The following CADM2 variants were observed in gnomAD, a reference collection of about 807,000 sequenced individuals.
CADM2 encodes the protein cell adhesion molecule 2.
Under a neutral mutation model 49.8 loss-of-function variants are expected in CADM2, and 12 were observed. That is an observed-to-expected ratio of 0.24 (90% CI 0.15 to 0.39). The LOEUF (loss-of-function observed/expected upper bound fraction) is 0.39. CADM2 is among the 10% of genes least tolerant of loss of function. The probability of loss-of-function intolerance (pLI) is 1.00; values close to 1 mark genes in which losing one functional copy is unlikely to be tolerated. For synonymous variants in CADM2, 214 were observed against 175.4 expected, an observed-to-expected ratio of 1.22 and a Z score of -1.74; for missense variants, 378 against 492.3, an observed-to-expected ratio of 0.77 and a Z score of 2.20.
chr3:85,590,191 A>C (rs55677942), intron 1 of CADM2, among the ~76,000 whole-genome samples: 2 of 151,720 alleles, frequency 1.3e-5, no homozygotes, highest in Non-Finnish European at 2.9e-5. Flanking sequence ...AGAGCCAAGC[A>C]GAAAAATAGA....
At chr3:85,970,852 C>A (rs957198639) in intron 8 of CADM2, among the ~76,000 whole-genome samples, 1 of 151,218 alleles carries the variant, frequency 6.6e-6, no homozygotes, top group African/African-American at 2.4e-5. Flanking sequence ...TCAAGATAAA[C>A]CTAAAACATA....
intron 1 of CADM2, among the ~76,000 whole-genome samples, chr3:85,320,658 A>G (rs1474070578): frequency 6.6e-6 from 1 of 152,164 alleles, no homozygotes. Context: ...GTATATTGAC[A>G]TACTTCCCTT....
intron 1 of CADM2, among the ~76,000 whole-genome samples, chr3:85,534,611 C>A (rs927171116): frequency 1.2e-4 from 18 of 152,254 alleles, no homozygotes; most frequent in African/African-American, 4.3e-4. Flanking sequence ...GTAACATATA[C>A]CTCCCACAAA....
At chr3:85,069,224 G>A (rs2036635257) in intron 1 of CADM2, among the ~76,000 whole-genome samples, 1 of 151,846 alleles carries the variant, frequency 6.6e-6, no homozygotes, top group African/African-American at 2.4e-5. Flanking sequence ...TTAAAGTTCA[G>A]TATTTTAGCT....
intron 1 of CADM2, among the ~76,000 whole-genome samples, chr3:85,259,283 T>G (rs2042959649): frequency 6.6e-6 from 1 of 152,168 alleles, no homozygotes; most frequent in Non-Finnish European, 1.5e-5. Flanking sequence ...TTATGAATAT[T>G]TTAGTCTGGT....
chr3:85,102,622 T>C (rs903410686), intron 1 of CADM2, among the ~76,000 whole-genome samples: 1 of 152,168 alleles, frequency 6.6e-6, no homozygotes, highest in Non-Finnish European at 1.5e-5. Flanking sequence ...TAAATTGTGA[T>C]AAAACATGCT....
At chr3:85,123,867 C>A (rs1424429143) in intron 1 of CADM2, among the ~76,000 whole-genome samples, 1 of 152,000 alleles carries the variant, frequency 6.6e-6, no homozygotes, top group Non-Finnish European at 1.5e-5. Flanking sequence ...TTGCACAAGA[C>A]AAATTTTAAC....
intron 2 of CADM2, among the ~76,000 whole-genome samples, chr3:85,769,123 T>C (rs1328055250): frequency 2.2e-5 from 1 of 44,992 alleles, no homozygotes. Flanking sequence ...TATATACACA[T>C]ATATACATAT....
intron 1 of CADM2, among the ~76,000 whole-genome samples, chr3:85,453,147 AG>A (rs1315536688): frequency 1.3e-5 from 2 of 152,172 alleles, no homozygotes; most frequent in Non-Finnish European, 2.9e-5. Flanking sequence ...TAGGTAGTTA[AG>A]TTTAAAGAGA....
At chr3:85,478,933 T>TTTTTA (rs199758053) in intron 1 of CADM2, among the ~76,000 whole-genome samples, 2,103 of 151,798 alleles carry the variant, frequency 0.014, 48 homozygotes, top group African/African-American at 0.047. Context: ...TGAAGTTTTG[T>TTTTTA]TTTTATTTTA....
At chr3:85,715,253 C>A (rs563446083) in intron 1 of CADM2, among the ~76,000 whole-genome samples, 1 of 152,126 alleles carries the variant, frequency 6.6e-6, no homozygotes, top group Non-Finnish European at 1.5e-5. Flanking sequence ...GACAATGAGA[C>A]CTTTGTTGGC....
chr3:85,372,086 C>T (rs1287376772), intron 1 of CADM2, among the ~76,000 whole-genome samples: 1 of 151,854 alleles, frequency 6.6e-6, no homozygotes, highest in Non-Finnish European at 1.5e-5. Context: ...CGGTGTTTGA[C>T]AAACTGCTCA....
At chr3:85,398,895 G>T (rs1322139004) in intron 1 of CADM2, among the ~76,000 whole-genome samples, 1 of 152,110 alleles carries the variant, frequency 6.6e-6, no homozygotes, top group South Asian at 2.1e-4. Context: ...GTAGATTCTG[G>T]ATAGTAGCCC....
intron 1 of CADM2, among the ~76,000 whole-genome samples, chr3:85,539,140 T>TAAA (rs140132068): frequency 0.29 from 43,186 of 148,156 alleles, 7,466 homozygotes; most frequent in East Asian, 0.51. Context: ...AGATTTACAT[T>TAAA]AAAAAAAAAC....
rs987450918 is a variant in CADM2 at position 85,168,616 on chromosome 3, A to T, written c.61+208948A>T. Among the ~76,000 whole-genome samples the T allele has an allele frequency of 3.3e-5, 5 of 152,188 alleles. No individual in the cohort carries two copies. In the South Asian group the frequency reaches 1.0e-3, roughly 31 times the overall value. The stretch of plus-strand genomic sequence containing the variant: ...GATTATATTTGGTATTCTTTAAAAC[A>T]GTGTCTTTTGCCTTAATTTTATCTA... On this transcript the variant is annotated intron_variant, in intron 1 of 9. Coordinates refer to ENST00000383699, the MANE Select transcript of CADM2 (RefSeq NM_001167675.2).
chr3:84,962,001 T>C (rs939176147), intron 1 of CADM2, among the ~76,000 whole-genome samples: 3 of 152,104 alleles, frequency 2.0e-5, no homozygotes, highest in Non-Finnish European at 4.4e-5. Flanking sequence ...CATGAGTCTC[T>C]TTTATTGAGT....
intron 1 of CADM2, among the ~76,000 whole-genome samples, chr3:85,516,965 T>C (rs927916756): frequency 6.6e-6 from 1 of 151,994 alleles, no homozygotes; most frequent in African/African-American, 2.4e-5. Context: ...GAATACCTGT[T>C]TTCTATTGTT....
chr3:85,689,611 A>G (rs1462153524), intron 1 of CADM2, among the ~76,000 whole-genome samples: 1 of 152,200 alleles, frequency 6.6e-6, no homozygotes, highest in African/African-American at 2.4e-5. Context: ...TTGAAAAACA[A>G]TATGGATTTT....
chr3:85,651,379 A>G (rs1230161491), intron 1 of CADM2, among the ~76,000 whole-genome samples: 2 of 152,096 alleles, frequency 1.3e-5, no homozygotes, highest in South Asian at 2.1e-4. Context: ...TACTCCACCC[A>G]TTCAGTTTTT....
Sources: allele counts gnomAD v4.1 joint callset (sites outside exome capture counted in the v4.1 genomes callset), GRCh38; gene constraint gnomAD v4.1.1; transcripts MANE v1.5; gene names NCBI Gene and HGNC (gene_info 2026-07-23, HGNC 2026-07-21).